Variants in FREM2 observed in about 807,000 individuals in gnomAD.
The protein encoded by FREM2 is FRAS1-related extracellular matrix protein 2.
In FREM2, 119 loss-of-function variants were observed where a neutral mutation model predicts 219.9. The observed-to-expected ratio is 0.54, with a 90% CI of 0.47 to 0.63. FREM2 has a LOEUF of 0.63. FREM2 is among the 30% of genes least tolerant of loss of function. The pLI is 0.00. For missense variants in FREM2, 4,030 were observed against 3,993.6 expected (o/e 1.01, Z -0.25); for synonymous variants, 1,562 against 1,522.8 (o/e 1.03, Z -0.60).
chr13:38,861,701 T>C, intron 15 of FREM2, 139 bp downstream of exon 15: 1 of 915,106 alleles, frequency 1.1e-6, no homozygotes, highest in African/African-American at 1.6e-5. Flanking sequence ...TCCACTTCTT[T>C]CAACTGTTTT....
At chr13:38,782,092 G>A (rs778494616) in intron 4 of FREM2, among the ~76,000 whole-genome samples, 8 of 152,194 alleles carry the variant, frequency 5.3e-5, no homozygotes, top group Non-Finnish European at 1.0e-4. Context: ...GGGGCACAGC[G>A]CAGGGTGAAG....
chr13:38,780,020 A>G (rs1593403059), intron 4 of FREM2, among the ~76,000 whole-genome samples: 2 of 151,976 alleles, frequency 1.3e-5, no homozygotes, highest in Non-Finnish European at 2.9e-5. Context: ...TCTCTTCTTT[A>G]TCTATAATCC....
chr13:38,845,372 C>G (rs1230284162), intron 6 of FREM2, among the ~76,000 whole-genome samples: 1 of 152,084 alleles, frequency 6.6e-6, no homozygotes, highest in Non-Finnish European at 1.5e-5. Context: ...AACATGATAT[C>G]ATGTTTTTAG....
chr13:38,726,507 A>C (rs1871529895), intron 2 of FREM2, among the ~76,000 whole-genome samples: 1 of 152,194 alleles, frequency 6.6e-6, no homozygotes, highest in Admixed American at 6.5e-5. Flanking sequence ...TGAAAATATA[A>C]TTAATACAGG....
Position 38,689,293 on chromosome 13 carries a change from A to G in FREM2, c.1949A>G (p.Glu650Gly). The G allele has an allele frequency of 6.2e-7, 1 of 1,614,072 alleles. No homozygotes were observed. Among genetic ancestry groups the G allele is most frequent in the Non-Finnish European group, 8.5e-7 (1 of 1,179,996 alleles). Reference protein sequence around the residue: ...VTEWQQQDITEGRLFYRHSGP... With the variant: ...VTEWQQQDITGGRLFYRHSGP... ...GAGTGGCAGCAGCAGGACATAACAG[A>G]GGGCAGGCTGTTCTATAGACACTCT... Residue 650 changes from glutamate (E) to glycine (G), a missense_variant, in exon 1 of 24, where the codon GAG becomes GGG. Glu to Gly is a moderately conservative substitution (Grantham distance 98). Transcript: ENST00000280481.
chr13:38,717,412 CTTTTTTTT>C (rs386378868), intron 2 of FREM2, among the ~76,000 whole-genome samples: 1 of 90,146 alleles, frequency 1.1e-5, no homozygotes, highest in Non-Finnish European at 2.0e-5. Context: ...TACATAAGTA[CTTTTTTTT>C]TTTTTTTTTT....
At chr13:38,755,125 A>G (rs1162679929) in intron 2 of FREM2, among the ~76,000 whole-genome samples, 1 of 151,262 alleles carries the variant, frequency 6.6e-6, no homozygotes, top group African/African-American at 2.4e-5. Flanking sequence ...CTGGTCTTGA[A>G]CTCCTGACCT....
At chr13:38,727,381 AG>A (rs1871572650) in intron 2 of FREM2, among the ~76,000 whole-genome samples, 1 of 152,214 alleles carries the variant, frequency 6.6e-6, no homozygotes, top group Non-Finnish European at 1.5e-5. Context: ...TGGGAGGCTG[AG>A]GCAGGAGAAT....
chr13:38,688,614 C>A lies in FREM2; in HGVS notation c.1270C>A (p.Pro424Thr), dbSNP rs1300426423. Residue 424 changes from proline to threonine, a missense_variant, in exon 1 of 24, where the codon CCT becomes ACT. This residue lies in a region of FREM2 where 3,102 missense variants were observed against 2,950.7 expected (regional missense o/e 1.05). Coordinates refer to ENST00000280481, the MANE Select transcript of FREM2 (RefSeq NM_207361.6). ...VVDLEGAASD[P>T]FAFMVVVKPM... ...GGATCTAGAAGGAGCAGCTTCAGAC[C>A]CTTTTGCCTTCATGGTAGTGGTGAA... 6.2e-7 allele frequency: 1 copy of A among 1,614,104 alleles called. No homozygotes were observed. The highest frequency in any genetic ancestry group is 1.1e-5 in the South Asian group (1 of 91,072).
In FREM2 at chr13:38,783,087, C is replaced by A. The variant is rs1874180939; in HGVS notation, c.5659C>A (p.Pro1887Thr). 1 of 1,613,638 alleles carries A rather than the reference C, an allele frequency of 6.2e-7. No individual in the cohort carries two copies. Among genetic ancestry groups the A allele is most frequent in the Non-Finnish European group, 8.5e-7 (1 of 1,179,854 alleles). ...DPGDEPTVFI[P>T]QSKYSVEEDV... ...CTCTCTAGAGCCAACTGTGTTTATTCCCCAGTCCAAATACTCCGTTGAAGA... is the reference window on the plus strand; with the variant it reads ...CTCTCTAGAGCCAACTGTGTTTATTACCCAGTCCAAATACTCCGTTGAAGA... Residue 1887 changes from proline (P) to threonine (T), a missense_variant, in exon 5 of 24, where the codon CCC becomes ACC. Coordinates refer to ENST00000280481, the MANE Select transcript of FREM2 (RefSeq NM_207361.6).
In FREM2 at chr13:38,688,536, C is replaced by T. The variant is rs372777373; in HGVS notation, c.1192C>T (p.Pro398Ser). 1.9e-6 allele frequency: 3 copies of T among 1,613,840 alleles called. No homozygotes were observed. The highest frequency in any genetic ancestry group is 1.6e-4 in the Middle Eastern group (1 of 6,082). ...GCTCCTGAAGATTGCCTACCAGCCC[C>T]CTTCTGAAGACTCTGACCAGGAGCG... Reference protein sequence around the residue: ...LRLLKIAYQPPSEDSDQERLF... With the variant: ...LRLLKIAYQPSSEDSDQERLF... Residue 398 changes from proline (P) to serine (S), a missense_variant, in exon 1 of 24, where the codon CCT becomes TCT. By Grantham distance (74) the Pro-to-Ser change is moderately conservative. This residue lies in a region of FREM2 where 3,102 missense variants were observed against 2,950.7 expected (regional missense o/e 1.05). Transcript: ENST00000280481.
rs200044249 is a variant in FREM2, at chr13:38,849,797, CT to C, written c.6380-236del. Among the ~76,000 whole-genome samples the C allele has an allele frequency of 6.6e-3, 999 of 152,286 alleles. 12 individuals carry two copies. Among genetic ancestry groups the C allele is most frequent in the African/African-American group, 0.023 (953 of 41,560 alleles). ...ATCTTAAGGTTTGTGGTTTTATCTA[CT>C]TTTTAACATTTCATTGCATACCCTT... On this transcript the variant is annotated intron_variant, in intron 8 of 23. Transcript: ENST00000280481.
rs774268846 is a variant in FREM2, at chr13:38,784,757, G to A, written c.5968G>A (p.Gly1990Arg). ...LLSMPMGGRI[G>R]SEFPGAQVTI... ...GAGCATGCCCATGGGGGGAAGAATC[G>A]GATCAGAGTTCCCAGGGGCTCAAGT... is the stretch of plus-strand genomic sequence containing the variant. Residue 1990 changes from glycine (G) to arginine (R), a missense_variant, in exon 6 of 24, where the codon GGA becomes AGA. By Grantham distance (125) the Gly-to-Arg change is moderately radical. Around this residue, in one of 2 missense-constraint regions of FREM2, gnomAD observed 3,102 missense variants for 2,950.7 expected, o/e 1.05. Transcript: ENST00000280481. 4 of 1,613,978 alleles carry A rather than the reference G, an allele frequency of 2.5e-6. No individual in the cohort carries two copies. The highest frequency in any genetic ancestry group is 2.7e-5 in the African/African-American group (2 of 74,912).
rs1340950040 is a variant in FREM2 at position 38,858,144 on chromosome 13, A to G, written c.7215+111A>G. On this transcript the variant is annotated intron_variant, in intron 13 of 23. Transcript: ENST00000280481. Reference sequence around the variant, plus strand: ...GAAGAAATGAAAGTAGAAAAATACTACATGGTTTAAGCCTTGAGCTTTGCA... The same window carrying G: ...GAAGAAATGAAAGTAGAAAAATACTGCATGGTTTAAGCCTTGAGCTTTGCA... 6.3e-6 allele frequency: 6 copies of G among 956,168 alleles called. No individual in the cohort carries two copies. The East Asian group carries it at 7.9e-5, about 13-fold the overall frequency. 59.2% of individuals were successfully genotyped at this position (956,168 alleles called of 1,614,324 possible).
intron 22 of FREM2, 82 bp from the exon 23 acceptor site, chr13:38,878,749 C>A: frequency 7.4e-7 from 1 of 1,359,282 alleles, no homozygotes; most frequent in Non-Finnish European, 1.1e-6. Context: ...TGTACTTGCA[C>A]AAAACAAATA....
chr13:38,739,509 C>G (rs1168857459), intron 2 of FREM2, among the ~76,000 whole-genome samples: 2 of 152,170 alleles, frequency 1.3e-5, no homozygotes, highest in Non-Finnish European at 2.9e-5. Context: ...GAAACCAAAT[C>G]ATTACACCTA....
chr13:38,803,586 T>C (rs1359109510), intron 6 of FREM2, among the ~76,000 whole-genome samples: 63 of 151,930 alleles, frequency 4.1e-4, no homozygotes, highest in African/African-American at 1.5e-3. Context: ...AGGGTCAGTA[T>C]TAAGTCAGTG....
At chr13:38,776,027 G>A (rs1873857107) in intron 4 of FREM2, among the ~76,000 whole-genome samples, 1 of 151,990 alleles carries the variant, frequency 6.6e-6, no homozygotes, top group Non-Finnish European at 1.5e-5. Flanking sequence ...ATGTGGTTTG[G>A]GTATGTTTAC....
At chr13:38,816,488 A>C (rs1593425039) in intron 6 of FREM2, among the ~76,000 whole-genome samples, 1 of 152,192 alleles carries the variant, frequency 6.6e-6, no homozygotes. Flanking sequence ...TTAAAATATC[A>C]TTTCAATAGA....
Sources: gnomAD v4.1 joint callset for allele counts (sites outside exome capture counted in the v4.1 genomes callset) on GRCh38, gnomAD v4.1.1 for gene constraint, gnomAD v4.1.1 regional missense constraint, MANE v1.5 for transcripts, NCBI Gene and HGNC (gene_info 2026-07-23, HGNC 2026-07-21) for gene names.